DCAF1: variants seen among roughly 807,000 people sequenced by gnomAD.
The protein encoded by DCAF1 is DDB1 and CUL4 associated factor 1, also known as DDB1- and CUL4-associated factor 1.
A neutral mutation model predicts 128.0 loss-of-function variants in DCAF1; 15 were observed. That is an observed-to-expected ratio of 0.12 (90% CI 0.08 to 0.18). The LOEUF (loss-of-function observed/expected upper bound fraction) is 0.18, where lower values mean the gene tolerates loss of function less well. Ranked by LOEUF, DCAF1 falls within the 10% of genes least tolerant of loss-of-function variation. The pLI, the probability that DCAF1 is intolerant of heterozygous loss-of-function variation, is 1.00. For missense variants in DCAF1, 988 were observed against 1,649.5 expected (o/e 0.60, Z 6.95); for synonymous variants, 610 against 603.0 (o/e 1.01, Z -0.17).
At chr3:51,404,302 A>G (rs1475425739) in intron 23 of DCAF1, among the ~76,000 whole-genome samples, 1 of 152,260 alleles carries the variant, frequency 6.6e-6, no homozygotes, top group Non-Finnish European at 1.5e-5. Flanking sequence ...ATAGCAAAGG[A>G]TTCTAATTGT....
chr3:51,490,957 T>C (rs1345280342), intron 2 of DCAF1, among the ~76,000 whole-genome samples: 1 of 148,398 alleles, frequency 6.7e-6, no homozygotes, highest in African/African-American at 2.5e-5. Flanking sequence ...AACAACCCAA[T>C]GACATCTTTT....
Position 51,425,587 on chromosome 3 carries a change from G to C in DCAF1, c.1847+1785C>G, listed in dbSNP as rs1185859000. 5.9e-5 allele frequency among the ~76,000 whole-genome samples: 6 copies of C among 101,494 alleles called. No homozygotes were observed. In the South Asian group the frequency reaches 2.1e-3, roughly 35 times the overall value. The allele number at this position is 101,494 out of a possible 152,430, so 66.6% of individuals were successfully genotyped here. The stretch of plus-strand genomic sequence containing the variant: ...TTTTTTTTTTTTTTTTTTGGAGACA[G>C]AGTCTTGCTCTGTTGCCCCGGCTAA... On this transcript the variant is annotated intron_variant, in intron 13 of 24. Coordinates refer to ENST00000684031, the MANE Select transcript of DCAF1 (RefSeq NM_001387579.1).
At chr3:51,429,705 C>A (rs771185054) in intron 11 of DCAF1, among the ~76,000 whole-genome samples, 10 of 151,916 alleles carry the variant, frequency 6.6e-5, no homozygotes, top group Non-Finnish European at 1.5e-4. Context: ...ACATTAAACT[C>A]ATACCAAAAA....
At chr3:51,499,212 C>T (rs537931850) in intron 1 of DCAF1, among the ~76,000 whole-genome samples, 2 of 152,334 alleles carry the variant, frequency 1.3e-5, no homozygotes, top group Non-Finnish European at 2.9e-5. Context: ...ACTACTATAA[C>T]CCCCGGAAAT....
Position 51,471,045 on chromosome 3 carries a change from T to TA in DCAF1, c.111-41dup, listed in dbSNP as rs1246556111. 12 of 1,424,320 alleles carry TA rather than the reference T, an allele frequency of 8.4e-6. 1 individual carries two copies. Among genetic ancestry groups the TA allele is most frequent in the Middle Eastern group, 3.6e-4 (2 of 5,608 alleles). The allele number at this position is 1,424,320 out of a possible 1,614,324, so 88.2% of individuals were successfully genotyped here. On this transcript the variant is annotated intron_variant, in intron 3 of 24. Coordinates refer to ENST00000684031, the MANE Select transcript of DCAF1 (RefSeq NM_001387579.1). The stretch of plus-strand genomic sequence containing the variant: ...ACAAGGGGTCAACTCTGGACAAGCA[T>TA]AAAAAAATGGACCACCACTACAACA...
chr3:51,452,383 A>T (rs1428325723), intron 6 of DCAF1, among the ~76,000 whole-genome samples: 1 of 152,202 alleles, frequency 6.6e-6, no homozygotes, highest in Admixed American at 6.5e-5. Context: ...TATTAAAAAA[A>T]GCTGCATAGG....
chr3:51,443,387 G>A lies in DCAF1; in HGVS notation c.513+379C>T, dbSNP rs981467398. On this transcript the variant is annotated intron_variant, in intron 7 of 24. Coordinates refer to ENST00000684031, the MANE Select transcript of DCAF1 (RefSeq NM_001387579.1). ...AGGTGGATCATGAGGTCAGGAGTTC[G>A]AGACCAGCCCGACCAACATGGTGAA... 3.3e-5 allele frequency among the ~76,000 whole-genome samples: 5 copies of A among 152,046 alleles called. No individual in the cohort carries two copies. In the South Asian group the frequency reaches 1.0e-3, roughly 32 times the overall value.
chr3:51,414,567 T>C, intron 19 of DCAF1, 57 bp downstream of exon 19: 1 of 1,588,510 alleles, frequency 6.3e-7, no homozygotes, highest in Non-Finnish European at 8.6e-7. Context: ...GAACAAATTA[T>C]TTCTGCACCA....
chr3:51,413,909 G>C (rs376132539), intron 20 of DCAF1, 41 bp downstream of exon 20: 6 of 1,431,024 alleles, frequency 4.2e-6, no homozygotes, highest in East Asian at 2.7e-5. Context: ...TGAAGGGGTA[G>C]AGCAAAAGGA....
At chr3:51,483,439 CAA>C (rs1264027842) in intron 3 of DCAF1, among the ~76,000 whole-genome samples, 1 of 121,118 alleles carries the variant, frequency 8.3e-6, no homozygotes, top group Admixed American at 8.5e-5. Context: ...AACTCTGACT[CAA>C]AAAAAAAAAA....
At chr3:51,469,585 A>G (rs1204832927) in intron 4 of DCAF1, among the ~76,000 whole-genome samples, 1 of 152,042 alleles carries the variant, frequency 6.6e-6, no homozygotes, top group African/African-American at 2.4e-5. Flanking sequence ...GCTTATATGT[A>G]CTATGGGCCC....
At chr3:51,475,176 C>A (rs1443508003) in intron 3 of DCAF1, among the ~76,000 whole-genome samples, 1 of 151,748 alleles carries the variant, frequency 6.6e-6, no homozygotes, top group Non-Finnish European at 1.5e-5. Flanking sequence ...GCAATACTTC[C>A]ACCTCAGCTT....
chr3:51,441,870 C>T lies in DCAF1; in HGVS notation c.541G>A (p.Glu181Lys). ...LVAIVLRRLR[E>K]LQLQEVALRQ... is the part of the protein sequence containing the mutation. ...AAAGCCACTTCCTGTAGCTGTAGCT[C>T]CCTCAGTCTTCGAAGCACTATTGCC... Residue 181 changes from glutamate to lysine, a missense_variant, in exon 8 of 25, where the codon GAG (glutamate) becomes AAG (lysine). By Grantham distance (56) the Glu-to-Lys change is moderately conservative. Coordinates refer to ENST00000684031, the MANE Select transcript of DCAF1 (RefSeq NM_001387579.1). 6.2e-6 allele frequency: 10 copies of T among 1,609,636 alleles called. No homozygotes were observed. Among genetic ancestry groups the T allele is most frequent in the Non-Finnish European group, 8.5e-6 (10 of 1,179,464 alleles).
At chr3:51,460,141 T>C (rs1447120551) in intron 6 of DCAF1, among the ~76,000 whole-genome samples, 1 of 152,296 alleles carries the variant, frequency 6.6e-6, no homozygotes. Context: ...ATGACATGAT[T>C]GTATATCTAG....
chr3:51,469,857 T>C (rs1222886466), intron 4 of DCAF1, among the ~76,000 whole-genome samples: 2 of 151,680 alleles, frequency 1.3e-5, no homozygotes, highest in Non-Finnish European at 2.9e-5. Context: ...CCCTTCTCTA[T>C]TAAAAGTGCA....
At chr3:51,486,032 C>T (rs1391500160) in intron 2 of DCAF1, among the ~76,000 whole-genome samples, 2 of 151,920 alleles carry the variant, frequency 1.3e-5, no homozygotes, top group East Asian at 3.9e-4. Flanking sequence ...GCTGGGACTA[C>T]ATGCTTGTAC....
At chr3:51,404,741 C>T (rs1168706777) in intron 23 of DCAF1, among the ~76,000 whole-genome samples, 2 of 152,180 alleles carry the variant, frequency 1.3e-5, no homozygotes, top group African/African-American at 4.8e-5. Flanking sequence ...GTACCAGATT[C>T]GGTGGGAGCA....
chr3:51,436,625 A>C, intron 9 of DCAF1, among the ~76,000 whole-genome samples: 1 of 152,176 alleles, frequency 6.6e-6, no homozygotes, highest in Admixed American at 6.5e-5. Context: ...ATAATTTATA[A>C]AGGATCTGTG....
intron 3 of DCAF1, among the ~76,000 whole-genome samples, chr3:51,481,999 AT>A (rs1553653002): frequency 1.3e-5 from 2 of 152,176 alleles, no homozygotes; most frequent in East Asian, 1.9e-4. Flanking sequence ...CCCCCAAAAA[AT>A]AAAAACAAAA....
Sources: allele counts gnomAD v4.1 joint callset (sites outside exome capture counted in the v4.1 genomes callset), GRCh38; gene constraint gnomAD v4.1.1; transcripts MANE v1.5; gene names NCBI Gene and HGNC (gene_info 2026-07-23, HGNC 2026-07-21).